The following NETO1 variants were observed in gnomAD, a reference collection of about 807,000 sequenced individuals.
The protein encoded by NETO1 is neuropilin and tolloid-like protein 1.
Under a neutral mutation model 61.3 loss-of-function variants are expected in NETO1, and 26 were observed. The observed-to-expected ratio is 0.42, with a 90% CI of 0.31 to 0.59. The LOEUF is 0.59. Among genes scored for constraint, NETO1 ranks in the 20% least tolerant of loss-of-function variants. NETO1 has a pLI of 0.12. For missense variants in NETO1, 531 were observed against 662.8 expected (o/e 0.80, Z 2.18); for synonymous variants, 225 against 225.8 (o/e 1.00, Z 0.03).
At chr18:72,788,595 T>C (rs1258166441) in intron 6 of NETO1, among the ~76,000 whole-genome samples, 1 of 152,026 alleles carries the variant, frequency 6.6e-6, no homozygotes, top group Non-Finnish European at 1.5e-5. Context: ...GAGTAATACA[T>C]AACACTAGTA....
At chr18:72,793,303 C>T (rs1039128191) in intron 6 of NETO1, among the ~76,000 whole-genome samples, 1 of 152,080 alleles carries the variant, frequency 6.6e-6, no homozygotes, top group Non-Finnish European at 1.5e-5. Context: ...CAAATAACAT[C>T]TTAGACCTGT....
chr18:72,828,406 T>C lies in NETO1; in HGVS notation c.469+30420A>G, dbSNP rs548597549. Among the ~76,000 whole-genome samples the C allele has an allele frequency of 2.4e-3, 266 of 112,070 alleles. 1 individual carries two copies. Among genetic ancestry groups the C allele is most frequent in the South Asian group, 4.4e-3 (16 of 3,666 alleles). The allele number at this position is 112,070 out of a possible 152,430, so 73.5% of individuals were successfully genotyped here. A position where few individuals can be genotyped will look rare whatever the true frequency, so the allele number is the denominator to read the frequency against. ...AGCAACATACAATAAATCTTGGAGT[T>C]TGCAATTATCAAACACAGAATACTA... On this transcript the variant is annotated intron_variant, in intron 4 of 10. Coordinates refer to ENST00000327305, the MANE Select transcript of NETO1 (RefSeq NM_138966.5).
intron 4 of NETO1, among the ~76,000 whole-genome samples, chr18:72,843,197 C>A (rs908380662): frequency 6.6e-6 from 1 of 152,188 alleles, no homozygotes; most frequent in Non-Finnish European, 1.5e-5. Context: ...ATGCCGATCA[C>A]TTAAATTGTA....
In NETO1 at chr18:72,752,806, G is replaced by A. The variant is rs1432004220; in HGVS notation, c.983-2186C>T. On this transcript the variant is annotated intron_variant, in intron 8 of 10. Coordinates refer to ENST00000327305, the MANE Select transcript of NETO1 (RefSeq NM_138966.5). ...TGCTCATCAAATAGAGAATATTAATGAAGAAATATAAATCATATAAAAATG... is the reference window on the plus strand; with the variant it reads ...TGCTCATCAAATAGAGAATATTAATAAAGAAATATAAATCATATAAAAATG... Among the ~76,000 whole-genome samples, 7 of 152,166 alleles carry A rather than the reference G, an allele frequency of 4.6e-5. No homozygotes were observed. The East Asian group carries it at 1.4e-3, about 29-fold the overall frequency.
At chr18:72,816,032 T>C (rs2145248134) in intron 4 of NETO1, among the ~76,000 whole-genome samples, 1 of 152,158 alleles carries the variant, frequency 6.6e-6, no homozygotes, top group African/African-American at 2.4e-5. Flanking sequence ...AGAAGAATTT[T>C]TAATCAGAAT....
rs181768981 is a variant in NETO1, at chr18:72,829,404, A to T, written c.469+29422T>A. ...CTGTTTTCAGGATAAAGAGAAAAAA[A>T]TATCTAATATACTCCAATCAGTTAT... On this transcript the variant is annotated intron_variant, in intron 4 of 10. Transcript: ENST00000327305. 1.6e-4 allele frequency among the ~76,000 whole-genome samples: 24 copies of T among 152,212 alleles called. No individual in the cohort carries two copies. In the East Asian group the frequency reaches 4.2e-3, roughly 27 times the overall value.
At chr18:72,758,595 G>A (rs1599102214) in intron 7 of NETO1, among the ~76,000 whole-genome samples, 1 of 152,152 alleles carries the variant, frequency 6.6e-6, no homozygotes, top group East Asian at 1.9e-4. Flanking sequence ...CCAGCACTTA[G>A]TGACTCTGAG....
chr18:72,766,128 C>A (rs1025726478), intron 7 of NETO1, among the ~76,000 whole-genome samples: 1 of 151,680 alleles, frequency 6.6e-6, no homozygotes, highest in African/African-American at 2.4e-5. Flanking sequence ...ATCGTTTGAA[C>A]CCAGGAGGTG....
intron 4 of NETO1, among the ~76,000 whole-genome samples, chr18:72,807,714 GAACACACACA>G (rs747972676): frequency 0.013 from 973 of 77,186 alleles, 10 homozygotes; most frequent in Admixed American, 0.028. Context: ...ATGAAGACAA[GAACACACACA>G]CACACACACA....
chr18:72,821,330 G>T (rs2073189594), intron 4 of NETO1, among the ~76,000 whole-genome samples: 1 of 151,022 alleles, frequency 6.6e-6, no homozygotes, highest in African/African-American at 2.4e-5. Flanking sequence ...ATCACCTGAG[G>T]TCGGGAGTTC....
intron 4 of NETO1, among the ~76,000 whole-genome samples, chr18:72,831,652 C>T (rs907206687): frequency 2.6e-5 from 4 of 152,132 alleles, no homozygotes; most frequent in Admixed American, 6.5e-5. Flanking sequence ...TGATAATTTT[C>T]GTATCTAAAA....
chr18:72,848,937 C>T lies in NETO1; in HGVS notation c.469+9889G>A, dbSNP rs111396561. Among the ~76,000 whole-genome samples, 357 of 152,296 alleles carry T rather than the reference C, an allele frequency of 2.3e-3. 4 individuals are homozygous for T. The highest frequency in any genetic ancestry group is 8.3e-3 in the African/African-American group (346 of 41,560). On this transcript the variant is annotated intron_variant, in intron 4 of 10. Transcript: ENST00000327305. ...CCTGTGTATGTCCTCAGATTCACTC[C>T]ATTAGCCAAAGATTTTCTTCATAGA...
At chr18:72,793,707 GAT>G (rs2072214992) in intron 6 of NETO1, among the ~76,000 whole-genome samples, 1 of 152,118 alleles carries the variant, frequency 6.6e-6, no homozygotes, top group African/African-American at 2.4e-5. Flanking sequence ...TTACATGCCA[GAT>G]ATTTATGATT....
At chr18:72,748,333 A>G (rs2070478768) in intron 10 of NETO1, 169 bp from the exon 11 acceptor site, 2 of 979,590 alleles carry the variant, frequency 2.0e-6, no homozygotes, top group Non-Finnish European at 2.4e-6. Context: ...TCAATTGGAG[A>G]CAAATTAGGC....
intron 7 of NETO1, among the ~76,000 whole-genome samples, chr18:72,778,756 G>T (rs563542053): frequency 1.3e-5 from 2 of 152,182 alleles, no homozygotes; most frequent in South Asian, 4.1e-4. Flanking sequence ...CCCCTTCTGA[G>T]CCCAGACCAG....
At chr18:72,844,074 C>G (rs1392503475) in intron 4 of NETO1, among the ~76,000 whole-genome samples, 1 of 152,164 alleles carries the variant, frequency 6.6e-6, no homozygotes, top group Non-Finnish European at 1.5e-5. Flanking sequence ...CTCATTGTTA[C>G]GTCTCTTGAA....
intron 3 of NETO1, among the ~76,000 whole-genome samples, chr18:72,860,288 A>C (rs1370170454): frequency 1.3e-5 from 2 of 152,212 alleles, no homozygotes; most frequent in African/African-American, 4.8e-5. Context: ...GTTAAGACTT[A>C]GCACAGTCGG....
chr18:72,790,142 CA>C (rs1295110640), intron 6 of NETO1, among the ~76,000 whole-genome samples: 2 of 151,734 alleles, frequency 1.3e-5, no homozygotes, highest in Non-Finnish European at 2.9e-5. Flanking sequence ...TTTTATTATC[CA>C]AAAACATTAA....
chr18:72,854,877 C>T (rs968718748), intron 4 of NETO1, among the ~76,000 whole-genome samples: 8 of 151,308 alleles, frequency 5.3e-5, no homozygotes, highest in African/African-American at 1.9e-4. Context: ...ATTTTTACTC[C>T]ATCTTGGCCT....
Sources: gnomAD v4.1 joint callset for allele counts (sites outside exome capture counted in the v4.1 genomes callset) on GRCh38, gnomAD v4.1.1 for gene constraint, MANE v1.5 for transcripts, NCBI Gene and HGNC (gene_info 2026-07-23, HGNC 2026-07-21) for gene names.